The following RGS21 variants were observed in gnomAD, a reference collection of about 807,000 sequenced individuals.
The protein encoded by RGS21 is regulator of G protein signaling 21.
RGS21 carries 19 observed loss-of-function variants against 18.7 expected under a neutral mutation model. The ratio of observed to expected loss-of-function variants is 1.01; its 90% confidence interval spans 0.71 to 1.49. The LOEUF is 1.49. RGS21 is among the 40% of genes most tolerant of loss of function. RGS21 has a pLI of 0.00. For synonymous variants in RGS21, 56 were observed against 57.8 expected (o/e 0.97, Z 0.14); for missense variants, 194 against 176.8 (o/e 1.10, Z -0.55).
chr1:192,351,685 T>A (rs1659042346), intron 3 of RGS21, among the ~76,000 whole-genome samples: 1 of 146,548 alleles, frequency 6.8e-6, no homozygotes, highest in Non-Finnish European at 1.5e-5. Context: ...ACATATAATA[T>A]ATATGCTATA....
intron 1 of RGS21, among the ~76,000 whole-genome samples, chr1:192,317,430 A>G (rs1658436445): frequency 6.6e-6 from 1 of 151,804 alleles, no homozygotes; most frequent in Admixed American, 6.6e-5. Context: ...ATAGAATTTT[A>G]AAGCTAGAAG....
chr1:192,328,207 C>A (rs1175410078), intron 1 of RGS21, among the ~76,000 whole-genome samples: 2 of 152,194 alleles, frequency 1.3e-5, no homozygotes, highest in Non-Finnish European at 2.9e-5. Flanking sequence ...CCAGGCTGGG[C>A]ATGGCTCCGA....
At chr1:192,348,119 G>A (rs946464758) in intron 3 of RGS21, among the ~76,000 whole-genome samples, 1 of 150,910 alleles carries the variant, frequency 6.6e-6, no homozygotes, top group African/African-American at 2.4e-5. Context: ...TCTGCCTCCC[G>A]GGTTCAAGGG....
intron 1 of RGS21, among the ~76,000 whole-genome samples, chr1:192,333,126 C>T (rs1433442335): frequency 6.6e-6 from 1 of 151,912 alleles, no homozygotes; most frequent in Admixed American, 6.6e-5. Context: ...GTTATCACTG[C>T]CGATCTAGGT....
chr1:192,331,412 T>C (rs749998095), intron 1 of RGS21, among the ~76,000 whole-genome samples: 4 of 151,926 alleles, frequency 2.6e-5, no homozygotes, highest in Non-Finnish European at 5.9e-5. Context: ...ATTAGCGTGG[T>C]GGCAGGCGCC....
chr1:192,359,140 C>T (rs1659148929), intron 4 of RGS21, among the ~76,000 whole-genome samples: 1 of 151,986 alleles, frequency 6.6e-6, no homozygotes, highest in African/African-American at 2.4e-5. Flanking sequence ...TAATTTATGA[C>T]CTTTTGAAAA....
chr1:192,339,461 T>C (rs747948732), intron 1 of RGS21, among the ~76,000 whole-genome samples: 2 of 152,054 alleles, frequency 1.3e-5, no homozygotes, highest in Non-Finnish European at 1.5e-5. Context: ...AAGGAAACCA[T>C]ATCTAAATGT....
chr1:192,323,883 G>A (rs760246461), intron 1 of RGS21, among the ~76,000 whole-genome samples: 6 of 151,990 alleles, frequency 3.9e-5, no homozygotes, highest in Non-Finnish European at 7.4e-5. Context: ...TTATAAATCA[G>A]GCTATTCCTT....
Position 192,342,978 on chromosome 1 carries a change from T to C in RGS21, c.-59T>C, listed in dbSNP as rs1267810334. 1 of 1,570,218 alleles carries C rather than the reference T, an allele frequency of 6.4e-7. No individual in the cohort carries two copies. The highest frequency in any genetic ancestry group is 8.8e-7 in the Non-Finnish European group (1 of 1,140,418). On this transcript the variant is annotated splice_region_variant and 5_prime_UTR_variant, in exon 2 of 5. Coordinates refer to ENST00000417209, the MANE Select transcript of RGS21 (RefSeq NM_001039152.3). ...TTCCTGCTGTCACATTACCTTCAGC[T>C]TGAAGATCAGTCAGAAAGAGAAACT... is the stretch of plus-strand genomic sequence containing the variant.
intron 3 of RGS21, among the ~76,000 whole-genome samples, chr1:192,349,617 C>T (rs1659007205): frequency 6.6e-6 from 1 of 152,122 alleles, no homozygotes; most frequent in African/African-American, 2.4e-5. Flanking sequence ...ATCTTTTGAA[C>T]ATTCAAATTG....
intron 2 of RGS21, 123 bp from the exon 3 acceptor site, chr1:192,347,190 G>T: frequency 1.6e-6 from 1 of 627,626 alleles, no homozygotes; most frequent in Non-Finnish European, 2.9e-6. Flanking sequence ...ATAATTTTTT[G>T]ACATTTGGCT....
chr1:192,341,459 G>C (rs1658860638), intron 1 of RGS21, among the ~76,000 whole-genome samples: 1 of 152,036 alleles, frequency 6.6e-6, no homozygotes, highest in Non-Finnish European at 1.5e-5. Flanking sequence ...CCTTTGTCAA[G>C]ATACATTGAA....
Position 192,352,154 on chromosome 1 carries a change from A to C in RGS21, c.196A>C (p.Ile66Leu). The C allele has an allele frequency of 6.2e-7, 1 of 1,611,314 alleles. No individual in the cohort carries two copies. ...TAAGAAAACGAAAAATGCAGACAAAATTGCTTCCAAAGCCAAGATGATTTA... is the reference window on the plus strand; with the variant it reads ...TAAGAAAACGAAAAATGCAGACAAACTTGCTTCCAAAGCCAAGATGATTTA... The part of the protein sequence containing the change: ...DFKKTKNADK[I>L]ASKAKMIYSE... The change falls in exon 4 of 5, where the codon ATT becomes CTT. Residue 66 changes from isoleucine (I) to leucine (L), a missense_variant. Ile to Leu is a conservative substitution (Grantham distance 5). Transcript: ENST00000417209.
intron 4 of RGS21, among the ~76,000 whole-genome samples, chr1:192,363,482 C>T (rs954438434): frequency 2.0e-5 from 3 of 151,978 alleles, no homozygotes; most frequent in African/African-American, 7.2e-5. Context: ...TCTCATATTC[C>T]CACAACACCA....
In RGS21 at chr1:192,353,441, C is replaced by T. The variant is rs113004002; in HGVS notation, c.255+1228C>T. The stretch of plus-strand genomic sequence containing the variant: ...TAATTCTGGAAAATTGAAAATGTTG[C>T]ATGTAAGATTTGTAAGGTTGATTGA... On this transcript the variant is annotated intron_variant, in intron 4 of 4. Coordinates refer to ENST00000417209, the MANE Select transcript of RGS21 (RefSeq NM_001039152.3). Among the ~76,000 whole-genome samples the T allele has an allele frequency of 1.4e-3, 210 of 151,878 alleles. 3 individuals carry two copies. Among genetic ancestry groups the T allele is most frequent in the African/African-American group, 4.7e-3 (197 of 41,508 alleles).
At chr1:192,319,010 G>A (rs552723543) in intron 1 of RGS21, among the ~76,000 whole-genome samples, 1 of 152,072 alleles carries the variant, frequency 6.6e-6, no homozygotes, top group Non-Finnish European at 1.5e-5. Flanking sequence ...TGGGAGGATT[G>A]CTTGAGGCTA....
At chr1:192,363,077 G>A (rs953699249) in intron 4 of RGS21, among the ~76,000 whole-genome samples, 1 of 152,098 alleles carries the variant, frequency 6.6e-6, no homozygotes, top group African/African-American at 2.4e-5. Flanking sequence ...GAGATATTAT[G>A]AGAAATGTTT....
intron 1 of RGS21, among the ~76,000 whole-genome samples, chr1:192,322,119 C>T (rs1658505732): frequency 6.6e-6 from 1 of 152,120 alleles, no homozygotes; most frequent in African/African-American, 2.4e-5. Context: ...AAATTGACAA[C>T]TACCCAGTCT....
At chr1:192,325,133 CA>C (rs1292922283) in intron 1 of RGS21, among the ~76,000 whole-genome samples, 3 of 152,020 alleles carry the variant, frequency 2.0e-5, no homozygotes, top group Non-Finnish European at 4.4e-5. Flanking sequence ...ACGTAGTGAG[CA>C]TAGTACCCAA....
Sources: allele counts gnomAD v4.1 joint callset (sites outside exome capture counted in the v4.1 genomes callset), GRCh38; gene constraint gnomAD v4.1.1; transcripts MANE v1.5; gene names NCBI Gene and HGNC (gene_info 2026-07-23, HGNC 2026-07-21).